The following BLTP1 variants were observed in gnomAD, a reference collection of about 807,000 sequenced individuals.
BLTP1 encodes the protein bridge-like lipid transfer protein family member 1, also known as fragile site-associated protein.
chr4:122,173,185 C>T, the BLTP1 span: 1 of 1,596,038 alleles, frequency 6.3e-7, no homozygotes, highest in African/African-American at 1.4e-5. Context: ...TTTTTTTCTT[C>T]CTTATAATCT....
chr4:122,223,383 T>A, the BLTP1 span, among the ~76,000 whole-genome samples: 1 of 152,130 alleles, frequency 6.6e-6, no homozygotes. Flanking sequence ...ACTGCCTCAA[T>A]GTATACTGGT....
the BLTP1 span, chr4:122,250,430 A>C: frequency 6.2e-7 from 1 of 1,613,872 alleles, no homozygotes; most frequent in Non-Finnish European, 8.5e-7. Flanking sequence ...TGACACAGAA[A>C]GGGGTGGAGT....
the BLTP1 span, chr4:122,301,075 TAC>T: frequency 2.2e-5 from 20 of 892,996 alleles, no homozygotes; most frequent in African/African-American, 2.5e-4. Flanking sequence ...CAATAATATA[TAC>T]AGTGTTTTAA....
At chr4:122,190,570 T>A in the BLTP1 span, 5 of 650,260 alleles carry the variant, frequency 7.7e-6, no homozygotes, top group Admixed American at 3.2e-4. Flanking sequence ...AATATTAGTT[T>A]AGTATTATAG....
At chr4:122,229,061 A>T in the BLTP1 span, 1 of 1,370,672 alleles carries the variant, frequency 7.3e-7, no homozygotes, top group Non-Finnish European at 9.7e-7. Context: ...AAGATGACTT[A>T]AGTATCAAAA....
At chr4:122,236,877 ACCCCTAC>A in the BLTP1 span, 1 of 963,668 alleles carries the variant, frequency 1.0e-6, no homozygotes, top group African/African-American at 2.7e-5. Flanking sequence ...CTTGGAAATA[ACCCCTAC>A]ATACGTACCT....
At chr4:122,186,694 A>G in the BLTP1 span, among the ~76,000 whole-genome samples, 2 of 152,000 alleles carry the variant, frequency 1.3e-5, no homozygotes, top group Non-Finnish European at 1.5e-5. Context: ...TTAAAAATAC[A>G]TATCTGTGTA....
the BLTP1 span, chr4:122,224,861 T>C: frequency 6.7e-7 from 1 of 1,500,458 alleles, no homozygotes; most frequent in Non-Finnish European, 8.9e-7. Flanking sequence ...GTTTGACTTT[T>C]CTGAGCCACA....
At chr4:122,313,661 C>A in the BLTP1 span, 2 of 1,584,384 alleles carry the variant, frequency 1.3e-6, no homozygotes, top group Non-Finnish European at 1.7e-6. Flanking sequence ...GAAGTATGTT[C>A]AAGAACTACA....
chr4:122,317,371 T>G, the BLTP1 span, among the ~76,000 whole-genome samples: 1 of 152,058 alleles, frequency 6.6e-6, no homozygotes, highest in African/African-American at 2.4e-5. Context: ...GTCCTAGTGT[T>G]TTTCACAACT....
the BLTP1 span, among the ~76,000 whole-genome samples, chr4:122,282,874 TTG>T: frequency 1.3e-5 from 2 of 152,158 alleles, no homozygotes; most frequent in Non-Finnish European, 2.9e-5. Context: ...AAAATGCCAG[TTG>T]ATGGTTCTTT....
At chr4:122,358,712 G>A in the BLTP1 span, among the ~76,000 whole-genome samples, 5 of 152,164 alleles carry the variant, frequency 3.3e-5, no homozygotes, top group East Asian at 1.9e-4. Context: ...AGTTATAACC[G>A]GAGCTATATA....
At chr4:122,239,878 A>T in the BLTP1 span, 1 of 1,614,048 alleles carries the variant, frequency 6.2e-7, no homozygotes, top group African/African-American at 1.3e-5. Context: ...TCTGCTGCTG[A>T]GGAATTTGAG....
the BLTP1 span, among the ~76,000 whole-genome samples, chr4:122,272,639 C>CCTAT: frequency 6.6e-6 from 1 of 152,004 alleles, no homozygotes; most frequent in East Asian, 1.9e-4. Context: ...AGTCGATGTA[C>CCTAT]CTATACTCGG....
chr4:122,155,993 T>G, the BLTP1 span: 1 of 972,530 alleles, frequency 1.0e-6, no homozygotes, highest in African/African-American at 1.8e-5. Context: ...TGTTAATGTT[T>G]AATAAATACT....
the BLTP1 span, among the ~76,000 whole-genome samples, chr4:122,327,473 G>T: frequency 6.6e-6 from 1 of 151,482 alleles, no homozygotes; most frequent in African/African-American, 2.4e-5. Flanking sequence ...ATCTGCACTT[G>T]ATTGAATCTG....
At chr4:122,325,816 G>A in the BLTP1 span, 3 of 786,100 alleles carry the variant, frequency 3.8e-6, no homozygotes, top group Non-Finnish European at 5.1e-6. Flanking sequence ...TTTTTCATGA[G>A]TTTTTTTTTT....
chr4:122,281,409 A>T, the BLTP1 span: 2 of 1,359,012 alleles, frequency 1.5e-6, no homozygotes, highest in African/African-American at 1.5e-5. Context: ...ATATGATCTG[A>T]TATTGGAAAG....
chr4:122,249,046 T>TGTA, the BLTP1 span: 29 of 967,238 alleles, frequency 3.0e-5, no homozygotes, highest in African/African-American at 5.1e-4. Flanking sequence ...TATGATGAAT[T>TGTA]GTAGTTATGT....
Sources: gnomAD v4.1 joint callset for allele counts (sites outside exome capture counted in the v4.1 genomes callset) on GRCh38, gnomAD v4.1.1 for gene constraint, MANE v1.5 for transcripts, NCBI Gene and HGNC (gene_info 2026-07-23, HGNC 2026-07-21) for gene names.